PTPRD: variants seen among roughly 807,000 people sequenced by gnomAD.
PTPRD encodes the protein protein tyrosine phosphatase receptor type D.
A neutral mutation model predicts 214.5 loss-of-function variants in PTPRD; 34 were observed. The ratio of observed to expected loss-of-function variants is 0.16; its 90% CI spans 0.12 to 0.21. The LOEUF is 0.21. Among genes scored for constraint, PTPRD ranks in the 10% least tolerant of loss-of-function variants. The pLI is 1.00. For synonymous variants in PTPRD, 1,128 were observed against 845.7 expected (o/e 1.33, Z -5.79); for missense variants, 2,545 against 2,398.7 (o/e 1.06, Z -1.27).
intron 12 of PTPRD, among the ~76,000 whole-genome samples, chr9:8,667,363 C>T (rs568566037): frequency 7.2e-5 from 11 of 152,070 alleles, no homozygotes; most frequent in Admixed American, 7.2e-4. Flanking sequence ...AAAACAAAAC[C>T]AGAAAATTCA....
chr9:8,712,770 G>A (rs1300896466), intron 12 of PTPRD, among the ~76,000 whole-genome samples: 2 of 152,186 alleles, frequency 1.3e-5, no homozygotes, highest in East Asian at 1.9e-4. Context: ...CCAGGCTGGA[G>A]TGCAGTGGCA....
chr9:9,222,944 T>G (rs539339923), intron 9 of PTPRD, among the ~76,000 whole-genome samples: 10 of 152,220 alleles, frequency 6.6e-5, no homozygotes, highest in African/African-American at 2.4e-4. Context: ...ATGACTTGCA[T>G]AATTATTAGC....
intron 11 of PTPRD, among the ~76,000 whole-genome samples, chr9:8,827,728 T>G (rs1456118827): frequency 1.3e-5 from 2 of 152,230 alleles, no homozygotes; most frequent in African/African-American, 4.8e-5. Context: ...ACCTATAGGG[T>G]ATTTATCATG....
chr9:9,603,855 A>C (rs1396700757), intron 7 of PTPRD, among the ~76,000 whole-genome samples: 1 of 149,192 alleles, frequency 6.7e-6, no homozygotes, highest in African/African-American at 2.5e-5. Flanking sequence ...TTTTTTTTTA[A>C]CTTTTATTTT....
At chr9:8,866,431 G>A (rs1222223466) in intron 11 of PTPRD, among the ~76,000 whole-genome samples, 3 of 151,970 alleles carry the variant, frequency 2.0e-5, no homozygotes, top group African/African-American at 7.3e-5. Flanking sequence ...TGCTCCCATT[G>A]TTTTCCTGAT....
intron 10 of PTPRD, among the ~76,000 whole-genome samples, chr9:9,032,885 T>C (rs184218916): frequency 4.8e-4 from 73 of 152,204 alleles, no homozygotes; most frequent in African/African-American, 1.7e-3. Context: ...CTTGGCGTCT[T>C]CCCTTCCAGC....
intron 8 of PTPRD, among the ~76,000 whole-genome samples, chr9:9,467,937 G>C (rs2094328486): frequency 6.6e-6 from 1 of 152,040 alleles, no homozygotes; most frequent in African/African-American, 2.4e-5. Flanking sequence ...ATGTTCATAA[G>C]ACAGGTTAGC....
At chr9:9,901,157 G>T (rs2076309192) in intron 5 of PTPRD, among the ~76,000 whole-genome samples, 1 of 152,074 alleles carries the variant, frequency 6.6e-6, no homozygotes, top group Non-Finnish European at 1.5e-5. Context: ...AAGCAAGAGT[G>T]GATTTTCTGA....
At chr9:8,431,534 G>C (rs1001998144) in intron 35 of PTPRD, among the ~76,000 whole-genome samples, 1 of 152,098 alleles carries the variant, frequency 6.6e-6, no homozygotes, top group Admixed American at 6.6e-5. Flanking sequence ...AATAAGATTT[G>C]TATATATATG....
At chr9:10,037,670 G>C (rs894674689) in intron 3 of PTPRD, among the ~76,000 whole-genome samples, 4 of 151,358 alleles carry the variant, frequency 2.6e-5, no homozygotes, top group African/African-American at 9.7e-5. Context: ...AGTTCTCCAT[G>C]GGAATTGACT....
chr9:9,396,968 T>C (rs1448858004), intron 9 of PTPRD, among the ~76,000 whole-genome samples: 1 of 152,044 alleles, frequency 6.6e-6, no homozygotes, highest in Non-Finnish European at 1.5e-5. Flanking sequence ...TATCCACTCA[T>C]CTTAGTTTCC....
At chr9:9,814,341 G>A (rs1422067609) in intron 5 of PTPRD, among the ~76,000 whole-genome samples, 2 of 148,308 alleles carry the variant, frequency 1.3e-5, no homozygotes, top group Non-Finnish European at 3.0e-5. Flanking sequence ...CAGAAAGGAG[G>A]AAGCCAAAGT....
chr9:8,882,884 C>CAAAAAAAAA (rs759863465), intron 11 of PTPRD, among the ~76,000 whole-genome samples: 15 of 101,032 alleles, frequency 1.5e-4, no homozygotes, highest in African/African-American at 4.1e-4. Flanking sequence ...GGCTCTGTCT[C>CAAAAAAAAA]AAAAAAAAAA....
intron 6 of PTPRD, among the ~76,000 whole-genome samples, chr9:9,736,415 A>T (rs928872093): frequency 2.6e-5 from 4 of 152,132 alleles, no homozygotes; most frequent in East Asian, 3.9e-4. Flanking sequence ...ATATTCCACA[A>T]TTTACATATT....
chr9:10,564,590 T>C (rs929066802), intron 2 of PTPRD, among the ~76,000 whole-genome samples: 1 of 152,082 alleles, frequency 6.6e-6, no homozygotes, highest in Admixed American at 6.6e-5. Flanking sequence ...CTAGCCTCAA[T>C]GGAGGCAACA....
chr9:8,776,510 C>T (rs2095480938), intron 11 of PTPRD, among the ~76,000 whole-genome samples: 1 of 112,342 alleles, frequency 8.9e-6, no homozygotes, highest in Non-Finnish European at 2.0e-5. Flanking sequence ...GTTGCCCAGG[C>T]CGGTCTCGAA....
chr9:9,026,168 C>G (rs199860229), intron 10 of PTPRD, among the ~76,000 whole-genome samples: 10 of 151,382 alleles, frequency 6.6e-5, no homozygotes, highest in African/African-American at 2.4e-4. Flanking sequence ...GAGATCTTAA[C>G]AAAAGAAAGA....
chr9:8,474,061 T>C (rs1236928675), intron 30 of PTPRD, among the ~76,000 whole-genome samples: 1 of 152,136 alleles, frequency 6.6e-6, no homozygotes, highest in Non-Finnish European at 1.5e-5. Context: ...CTTTGCAGCC[T>C]TCTCATATGG....
chr9:8,517,108 A>G (rs2097794448), intron 21 of PTPRD, among the ~76,000 whole-genome samples: 1 of 152,116 alleles, frequency 6.6e-6, no homozygotes, highest in African/African-American at 2.4e-5. Flanking sequence ...GCGTGGCTCA[A>G]GAATAAACTT....
Sources: allele counts gnomAD v4.1 joint callset (sites outside exome capture counted in the v4.1 genomes callset), GRCh38; gene constraint gnomAD v4.1.1; transcripts MANE v1.5; gene names NCBI Gene and HGNC (gene_info 2026-07-23, HGNC 2026-07-21).